The following UXS1 variants were observed in gnomAD, a reference collection of about 807,000 sequenced individuals.
The protein encoded by UXS1 is UDP-glucuronic acid decarboxylase 1.
Under a neutral mutation model 62.6 loss-of-function variants are expected in UXS1, and 33 were observed. The observed-to-expected ratio is 0.53, with a 90% CI of 0.40 to 0.70. The LOEUF is 0.70. Ranked by LOEUF, UXS1 falls within the 30% of genes least tolerant of loss-of-function variation. The pLI, the probability that UXS1 is intolerant of heterozygous loss-of-function variation, is 0.00. For missense variants in UXS1, 434 were observed against 556.3 expected, an observed-to-expected ratio of 0.78 and a Z score of 2.21; for synonymous variants, 213 against 206.8, an observed-to-expected ratio of 1.03 and a Z score of -0.26.
intron 10 of UXS1, among the ~76,000 whole-genome samples, chr2:106,110,848 G>A (rs1323841386): frequency 6.6e-6 from 1 of 152,200 alleles, no homozygotes; most frequent in East Asian, 1.9e-4. Context: ...GGGCACTGAA[G>A]ACAACTAACA....
intron 1 of UXS1, among the ~76,000 whole-genome samples, chr2:106,190,123 G>A (rs561989348): frequency 4.6e-5 from 7 of 152,336 alleles, no homozygotes; most frequent in South Asian, 4.1e-4. Context: ...CTGGCAAAGA[G>A]TTTGGAGTTG....
intron 1 of UXS1, chr2:106,183,609 G>A (rs6543382): frequency 0.79 from 120,282 of 152,180 alleles, 48,477 homozygotes; most frequent in Non-Finnish European, 0.88. Flanking sequence ...CCCCCTCAGA[G>A]GAGAAGTTCC....
intron 1 of UXS1, among the ~76,000 whole-genome samples, chr2:106,175,056 T>C (rs1384816934): frequency 6.6e-6 from 1 of 152,202 alleles, no homozygotes. Flanking sequence ...TCAACCTCCA[T>C]GAAATCCTCA....
intron 1 of UXS1, among the ~76,000 whole-genome samples, chr2:106,188,780 A>G (rs1361101128): frequency 6.6e-6 from 1 of 152,270 alleles, no homozygotes; most frequent in Non-Finnish European, 1.5e-5. Flanking sequence ...AAACATGGGC[A>G]GGCCATCTGA....
chr2:106,194,007 C>G (rs1321711967), intron 1 of UXS1, 141 bp downstream of exon 1: 1 of 499,780 alleles, frequency 2.0e-6, no homozygotes, highest in African/African-American at 2.1e-5. Context: ...GGGGTGGGAG[C>G]AGAAAGCGCC....
At chr2:106,127,666 G>C (rs1320764281) in intron 7 of UXS1, among the ~76,000 whole-genome samples, 3 of 152,166 alleles carry the variant, frequency 2.0e-5, no homozygotes, top group Non-Finnish European at 4.4e-5. Context: ...CCAGGAAAAA[G>C]CCAGGCAAAG....
chr2:106,119,986 T>C (rs967178920), intron 9 of UXS1, among the ~76,000 whole-genome samples: 5 of 152,192 alleles, frequency 3.3e-5, no homozygotes, highest in Admixed American at 2.0e-4. Flanking sequence ...TATCCTGCCA[T>C]AGCAGGAACT....
chr2:106,174,633 G>A (rs377050164), intron 1 of UXS1, among the ~76,000 whole-genome samples: 26 of 152,360 alleles, frequency 1.7e-4, no homozygotes, highest in African/African-American at 6.3e-4. Context: ...TGGGGCGCAC[G>A]TAGTGAGAGG....
intron 9 of UXS1, among the ~76,000 whole-genome samples, chr2:106,121,798 G>T (rs560968298): frequency 6.6e-6 from 1 of 152,284 alleles, no homozygotes; most frequent in Admixed American, 6.5e-5. Flanking sequence ...TTTAATGCTG[G>T]CATTTCATTA....
chr2:106,112,619 G>A (rs776144561), intron 10 of UXS1, 27 bp downstream of exon 10: 5 of 1,611,888 alleles, frequency 3.1e-6, no homozygotes, highest in African/African-American at 1.3e-5. Flanking sequence ...GTTGCAAGGT[G>A]CTCCCTGAGC....
chr2:106,102,202 T>TCTC (rs1677654385), intron 11 of UXS1: 1 of 152,218 alleles, frequency 6.6e-6, no homozygotes, highest in African/African-American at 2.4e-5. Context: ...TTGGATGATT[T>TCTC]CTCCTTTATA....
chr2:106,094,639 T>G (rs1676931361), intron 14 of UXS1, among the ~76,000 whole-genome samples: 1 of 152,076 alleles, frequency 6.6e-6, no homozygotes, highest in Non-Finnish European at 1.5e-5. Context: ...GCCTAGCGGA[T>G]CATGGCCCAC....
At chr2:106,145,072 T>A in intron 6 of UXS1, 118 bp downstream of exon 6, 3 of 1,170,720 alleles carry the variant, frequency 2.6e-6, no homozygotes, top group Non-Finnish European at 3.6e-6. Context: ...ATTTCAAAAA[T>A]AAAACCCAAC....
chr2:106,105,982 C>A (rs2104858123), intron 10 of UXS1, among the ~76,000 whole-genome samples: 1 of 152,270 alleles, frequency 6.6e-6, no homozygotes, highest in African/African-American at 2.4e-5. Context: ...AGCACCAGCC[C>A]CCTCAGCACC....
chr2:106,093,756 C>G lies in UXS1; in HGVS notation c.*270G>C. On this transcript the variant is annotated 3_prime_UTR_variant, in exon 15 of 15. Transcript: ENST00000283148. ...ACGACAGTCACAACATATGCTCTCA[C>G]AGCAAGATAAAAAAACTTGAAAATA... 1 of 367,652 alleles carries G rather than the reference C, an allele frequency of 2.7e-6. No individual in the cohort carries two copies. The highest frequency in any genetic ancestry group is 4.9e-5 in the East Asian group (1 of 20,460). The allele number at this position is 367,652 out of a possible 1,614,324, so 22.8% of individuals were successfully genotyped here.
At chr2:106,171,581 A>G (rs531531123) in intron 1 of UXS1, among the ~76,000 whole-genome samples, 43 of 152,380 alleles carry the variant, frequency 2.8e-4, no homozygotes, top group African/African-American at 9.6e-4. Flanking sequence ...TTTGTTTTAG[A>G]ATAGGGATAT....
At chr2:106,103,397 A>C (rs770655026) in intron 11 of UXS1, among the ~76,000 whole-genome samples, 6 of 152,216 alleles carry the variant, frequency 3.9e-5, no homozygotes, top group Admixed American at 2.0e-4. Flanking sequence ...GCAGGCACAC[A>C]TAACCGAGGA....
chr2:106,171,955 C>T (rs1392519129), intron 1 of UXS1, among the ~76,000 whole-genome samples: 1 of 152,248 alleles, frequency 6.6e-6, no homozygotes, highest in South Asian at 2.1e-4. Flanking sequence ...GCTGGATGCT[C>T]AGTGAAATCA....
intron 4 of UXS1, among the ~76,000 whole-genome samples, chr2:106,162,544 A>G (rs552493151): frequency 6.6e-6 from 1 of 152,288 alleles, no homozygotes; most frequent in Non-Finnish European, 1.5e-5. Context: ...TCTAAAAAGA[A>G]AAAAAAAGCT....
Sources: gnomAD v4.1 joint callset for allele counts (sites outside exome capture counted in the v4.1 genomes callset) on GRCh38, gnomAD v4.1.1 for gene constraint, MANE v1.5 for transcripts, NCBI Gene and HGNC (gene_info 2026-07-23, HGNC 2026-07-21) for gene names.